Variants in TMEM266 observed in about 807,000 individuals in gnomAD.
TMEM266 encodes Hv1 related protein 1.
A neutral mutation model predicts 50.5 loss-of-function variants in TMEM266; 33 were observed. The observed-to-expected ratio is 0.65, with a 90% CI of 0.50 to 0.87. The LOEUF is 0.87. Among genes scored for constraint, TMEM266 ranks in the 40% least tolerant of loss-of-function variants. The pLI, the probability that TMEM266 is intolerant of heterozygous loss-of-function variation, is 0.00. For synonymous variants in TMEM266, 310 were observed against 292.3 expected (o/e 1.06, Z -0.62); for missense variants, 655 against 695.1 (o/e 0.94, Z 0.65).
Position 76,141,881 on chromosome 15 carries a change from C to T in TMEM266, c.227+3986C>T, listed in dbSNP as rs982392425. Among the ~76,000 whole-genome samples, 17 of 152,164 alleles carry T rather than the reference C, an allele frequency of 1.1e-4. No homozygotes were observed. The East Asian group carries it at 1.2e-3, about 10-fold the overall frequency. ...TGGCTTATTTTGCTTAGCATAATGT[C>T]CACAAGGTTCATCCATGTTGTAGCA... On this transcript the variant is annotated intron_variant, in intron 3 of 10. Transcript: ENST00000388942.
At chr15:76,148,456 G>A (rs762872677) in intron 3 of TMEM266, among the ~76,000 whole-genome samples, 2 of 152,176 alleles carry the variant, frequency 1.3e-5, no homozygotes, top group Non-Finnish European at 2.9e-5. Flanking sequence ...ACTTGGGGCC[G>A]GTTTCCAGAA....
At chr15:76,121,298 A>G (rs2037341659) in intron 1 of TMEM266, among the ~76,000 whole-genome samples, 1 of 152,228 alleles carries the variant, frequency 6.6e-6, no homozygotes, top group Non-Finnish European at 1.5e-5. Context: ...GTATTATTTT[A>G]TGTGTTGCAG....
chr15:76,199,511 G>T (rs1314539763), intron 9 of TMEM266, among the ~76,000 whole-genome samples: 1 of 151,322 alleles, frequency 6.6e-6, no homozygotes, highest in Admixed American at 6.6e-5. Context: ...GGAAGGCCTG[G>T]TCTGGCCTCA....
At chr15:76,066,908 C>T (rs1037429477) in intron 1 of TMEM266, among the ~76,000 whole-genome samples, 3 of 152,104 alleles carry the variant, frequency 2.0e-5, no homozygotes, top group Non-Finnish European at 4.4e-5. Context: ...CAGGGGCAGT[C>T]CTGTGCATTG....
chr15:76,101,283 T>G (rs2036996019), intron 1 of TMEM266, among the ~76,000 whole-genome samples: 1 of 152,204 alleles, frequency 6.6e-6, no homozygotes, highest in East Asian at 1.9e-4. Context: ...ACAGTAGTCT[T>G]CTAATTTCCA....
At chr15:76,064,434 G>T (rs1596078295) in intron 1 of TMEM266, among the ~76,000 whole-genome samples, 1 of 152,114 alleles carries the variant, frequency 6.6e-6, no homozygotes, top group Non-Finnish European at 1.5e-5. Flanking sequence ...TTCTTGGGCC[G>T]TAGCAAAATC....
chr15:76,096,523 T>G (rs1297047997), intron 1 of TMEM266, among the ~76,000 whole-genome samples: 1 of 152,000 alleles, frequency 6.6e-6, no homozygotes, highest in Non-Finnish European at 1.5e-5. Flanking sequence ...GTTTTACTTC[T>G]AATTATGTGG....
At chr15:76,125,608 G>C (rs534354269) in intron 1 of TMEM266, among the ~76,000 whole-genome samples, 1 of 152,072 alleles carries the variant, frequency 6.6e-6, no homozygotes, top group South Asian at 2.1e-4. Flanking sequence ...AGCACTTTGG[G>C]AGGCCCAGGT....
chr15:76,091,727 A>T (rs1399443827), intron 1 of TMEM266, among the ~76,000 whole-genome samples: 1 of 148,166 alleles, frequency 6.7e-6, no homozygotes, highest in Non-Finnish European at 1.5e-5. Flanking sequence ...AGTGGCTCAC[A>T]CCTGTAATCC....
At chr15:76,068,585 C>T (rs2036478526) in intron 1 of TMEM266, among the ~76,000 whole-genome samples, 1 of 152,058 alleles carries the variant, frequency 6.6e-6, no homozygotes, top group African/African-American at 2.4e-5. Flanking sequence ...AGGGTCGGTC[C>T]CTAATCTGAT....
chr15:76,117,517 G>C (rs1217226585), intron 1 of TMEM266, among the ~76,000 whole-genome samples: 4 of 152,158 alleles, frequency 2.6e-5, no homozygotes, highest in Admixed American at 6.5e-5. Flanking sequence ...CTTATTAAGA[G>C]AGACCAAGCC....
chr15:76,204,488 C>A lies in TMEM266; in HGVS notation c.*173C>A. On this transcript the variant is annotated 3_prime_UTR_variant, in exon 11 of 11. Coordinates refer to ENST00000388942, the MANE Select transcript of TMEM266 (RefSeq NM_152335.3). ...GGCCAGGAGGCCACAAGCTTCAGAC[C>A]TCAAAGCCCAGAGCTGGCGCCTCTT... 1.7e-6 allele frequency: 1 copy of A among 583,540 alleles called. No homozygotes were observed. The highest frequency in any genetic ancestry group is 3.0e-6 in the Non-Finnish European group (1 of 334,504). 36.1% of individuals were successfully genotyped at this position (583,540 alleles called of 1,614,324 possible).
chr15:76,110,976 G>A (rs948652417), intron 1 of TMEM266, among the ~76,000 whole-genome samples: 4 of 152,110 alleles, frequency 2.6e-5, no homozygotes, highest in Admixed American at 1.3e-4. Context: ...CCAGAGCACC[G>A]ACAACACCAG....
In TMEM266 at chr15:76,137,693, C is replaced by G. The variant is rs376759726; in HGVS notation, c.39-14C>G. On this transcript the variant is annotated splice_polypyrimidine_tract_variant and intron_variant, in intron 2 of 10. Transcript: ENST00000388942. ...AAGATAACTCTTTCCCATTGTTCCT[C>G]CTCTCCAACCCAGGCCTGCCATAGA... The G allele has an allele frequency of 5.2e-5, 84 of 1,613,116 alleles. 1 individual carries two copies. The East Asian group carries it at 7.8e-4, about 15-fold the overall frequency.
Position 76,153,652 on chromosome 15 carries a change from T to A in TMEM266, c.228-2952T>A, listed in dbSNP as rs1196124720. On this transcript the variant is annotated intron_variant, in intron 3 of 10. Coordinates refer to ENST00000388942, the MANE Select transcript of TMEM266 (RefSeq NM_152335.3). This position sits in a 1 kb window ranked among gnomAD's most constrained non-coding sequence, Gnocchi z 4.2. ...GAGGGGAACCGGCTTCCGGGGGCGC[T>A]GAGGCGGCTGGAGGCTGGGTGTGAA... Among the ~76,000 whole-genome samples the A allele has an allele frequency of 1.3e-5, 2 of 151,648 alleles. No individual in the cohort carries two copies. The highest frequency in any genetic ancestry group is 3.9e-4 in the East Asian group (2 of 5,166).
intron 2 of TMEM266, among the ~76,000 whole-genome samples, chr15:76,136,775 G>A (rs778457684): frequency 1.3e-5 from 2 of 152,188 alleles, no homozygotes; most frequent in African/African-American, 2.4e-5. Context: ...TCTGGACAGG[G>A]TTGCTGTGGG....
At chr15:76,127,834 A>AGATCC (rs2037447201) in intron 1 of TMEM266, among the ~76,000 whole-genome samples, 1 of 152,196 alleles carries the variant, frequency 6.6e-6, no homozygotes, top group African/African-American at 2.4e-5. Flanking sequence ...CTGATTCAGT[A>AGATCC]GATCAGAGTG....
At chr15:76,196,280 C>T (rs12909718) in intron 9 of TMEM266, among the ~76,000 whole-genome samples, 62,481 of 152,054 alleles carry the variant, frequency 0.41, 15,276 homozygotes, top group Middle Eastern at 0.56. Context: ...GGGTACCTCC[C>T]GGCTCTGTGG....
intron 8 of TMEM266, among the ~76,000 whole-genome samples, chr15:76,176,795 C>T (rs1049215754): frequency 6.6e-6 from 1 of 152,176 alleles, no homozygotes; most frequent in Non-Finnish European, 1.5e-5. Context: ...CCTATTCCTC[C>T]CCCATTGCTG....
Sources: allele counts gnomAD v4.1 joint callset (sites outside exome capture counted in the v4.1 genomes callset), GRCh38; gene constraint gnomAD v4.1.1; non-coding constraint Gnocchi (gnomAD v3.1); transcripts MANE v1.5; gene names NCBI Gene and HGNC (gene_info 2026-07-23, HGNC 2026-07-21).